The following TTN variants were observed in gnomAD, a reference collection of about 807,000 sequenced individuals.
The protein encoded by TTN is connectin.
A neutral mutation model predicts 3,223.0 loss-of-function variants in TTN; 1,525 were observed. That is an observed-to-expected ratio of 0.47 (90% CI 0.45 to 0.49). The LOEUF (loss-of-function observed/expected upper bound fraction) is 0.49, where lower values mean the gene tolerates loss of function less well. Among genes scored for constraint, TTN ranks in the 20% least tolerant of loss-of-function variants. The pLI, the probability that TTN is intolerant of heterozygous loss-of-function variation, is 0.00. For synonymous variants in TTN, 14,094 were observed against 15,161.0 expected, an observed-to-expected ratio of 0.93 and a Z score of 5.17; for missense variants, 40,786 against 43,424.0, an observed-to-expected ratio of 0.94 and a Z score of 5.40.
At chr2:178,585,600 A>T (rs189786910) in intron 308 of TTN, among the ~76,000 whole-genome samples, 1 of 152,106 alleles carries the variant, frequency 6.6e-6, no homozygotes, top group Non-Finnish European at 1.5e-5. Flanking sequence ...CTAGCCTCCC[A>T]ACCCCTGACA....
Position 178,701,100 on chromosome 2 carries a change from A to G in TTN, c.30682+20T>C. The G allele has an allele frequency of 6.2e-7, 1 of 1,608,532 alleles. No homozygotes were observed. The highest frequency in any genetic ancestry group is 8.5e-7 in the Non-Finnish European group (1 of 1,176,156). ...GAGTGAAATTCTTATTTCGACATCTAGGTAGATGAGGTATAATACCTTCAA... is the reference window on the plus strand; with the variant it reads ...GAGTGAAATTCTTATTTCGACATCTGGGTAGATGAGGTATAATACCTTCAA... On this transcript the variant is annotated intron_variant, in intron 111 of 362. Coordinates refer to ENST00000589042, the MANE Select transcript of TTN (RefSeq NM_001267550.2).
Position 178,560,156 on chromosome 2 carries a change from T to G in TTN, c.85976A>C (p.Lys28659Thr), listed in dbSNP as rs200724395. The part of the protein sequence containing the change: ...VFLPSPPSKP[K>T]IVDSGKTTIT... ...AGTTGTCTTGCCTGAGTCCACAATT[T>G]TGGGTTTGGATGGAGGAGATGGTAG... The change falls in exon 326 of 363, where the codon AAA becomes ACA. Residue 28659 changes from lysine (K) to threonine (T), a missense_variant. Transcript: ENST00000589042. The G allele has an allele frequency of 2.9e-5, 47 of 1,613,436 alleles. No homozygotes were observed. The highest frequency in any genetic ancestry group is 3.8e-5 in the Non-Finnish European group (45 of 1,179,680).
rs1700084788 is a variant in TTN at position 178,553,237 on chromosome 2, A to G, written c.89663T>C (p.Ile29888Thr). ...TAATGAGGATGAATCAGTGTTTTCA[A>G]TGCTGTATCTGGCATCACTGCCAAG... ...KNLGSDARYS[I>T]ENTDSSSLLT... Residue 29888 changes from isoleucine (I) to threonine (T), a missense_variant, in exon 335 of 363, where the codon ATT becomes ACT. By Grantham distance (89) the Ile-to-Thr change is moderately conservative. Coordinates refer to ENST00000589042, the MANE Select transcript of TTN (RefSeq NM_001267550.2). 7 of 1,613,406 alleles carry G rather than the reference A, an allele frequency of 4.3e-6. No individual in the cohort carries two copies. Among genetic ancestry groups the G allele is most frequent in the Non-Finnish European group, 4.2e-6 (5 of 1,179,838 alleles).
In TTN at chr2:178,546,463, T is replaced by C; in HGVS notation, c.94868A>G (p.Asp31623Gly). 6.2e-7 allele frequency: 1 copy of C among 1,613,560 alleles called. No homozygotes were observed. The highest frequency in any genetic ancestry group is 2.2e-5 in the East Asian group (1 of 44,818). ...AGAACCTGCTCTGATGGTAACCAGA[T>C]CACCGTGTAATCGGGCATCCAGTTC... ...KAELDARLHG[D>G]LVTIRAGSDL... The change falls in exon 342 of 363, where the codon GAT becomes GGT. Residue 31623 changes from aspartate (D) to glycine (G), a missense_variant. Asp to Gly is a moderately conservative substitution (Grantham distance 94). Coordinates refer to ENST00000589042, the MANE Select transcript of TTN (RefSeq NM_001267550.2).
At position 178,608,413 on chromosome 2, in the gene TTN, T is replaced by C. The variant is rs1339543629; in HGVS notation, c.52470A>G (p.Lys17490=). 1 of 1,609,968 alleles carries C rather than the reference T, an allele frequency of 6.2e-7. No individual in the cohort carries two copies. Among genetic ancestry groups the C allele is most frequent in the African/African-American group, 1.3e-5 (1 of 74,834 alleles). The change falls in exon 275 of 363, where the codon AAA becomes AAG. Residue 17490 remains lysine (K), a synonymous_variant. Coordinates refer to ENST00000589042, the MANE Select transcript of TTN (RefSeq NM_001267550.2). ...EDVTSNSMLV[K]WNEPKDNGSP... ...TTCCATTATCTTTTGGTTCATTCCA[T>C]TTCACTAGCATACTGTTGCTGGTAA...
In TTN at chr2:178,531,637, G is replaced by A. The variant is rs368945564; in HGVS notation, c.104978C>T (p.Thr34993Met). Residue 34993 changes from threonine to methionine, a missense_variant, in exon 358 of 363, where the codon ACG (threonine) becomes ATG (methionine). By Grantham distance (81) the Thr-to-Met change is moderately conservative. Coordinates refer to ENST00000589042, the MANE Select transcript of TTN (RefSeq NM_001267550.2). Reference sequence around the variant, plus strand: ...AATTTCCAGGGTGAGGACTCCACTCGTGTTGGTGTAATGAATCTTACTGCT... The same window carrying A: ...AATTTCCAGGGTGAGGACTCCACTCATGTTGGTGTAATGAATCTTACTGCT... Reference protein sequence around the residue: ...QESSKIHYTNTSGVLTLEILD... With the variant: ...QESSKIHYTNMSGVLTLEILD... 9.7e-5 allele frequency: 157 copies of A among 1,613,994 alleles called. No individual in the cohort carries two copies. Among genetic ancestry groups the A allele is most frequent in the South Asian group, 1.2e-4 (11 of 91,086 alleles).
chr2:178,688,051 T>A, intron 127 of TTN, 60 bp downstream of exon 127: 1 of 1,410,426 alleles, frequency 7.1e-7, no homozygotes, highest in Admixed American at 1.7e-5. Flanking sequence ...GTAGACAATT[T>A]GTGAAAGAAA....
rs781664961 is a variant in TTN at position 178,695,389 on chromosome 2, G to A, written c.31229C>T (p.Pro10410Leu). The A allele has an allele frequency of 9.3e-6, 15 of 1,612,008 alleles. No individual in the cohort carries two copies. The East Asian group carries it at 2.7e-4, about 29-fold the overall frequency. Residue 10410 changes from proline (P) to leucine (L), a missense_variant, in exon 115 of 363, where the codon CCA (proline) becomes CTA (leucine). Coordinates refer to ENST00000589042, the MANE Select transcript of TTN (RefSeq NM_001267550.2). ...VYEESHERKVPAKVPEKKAPP... is the reference protein window; with the variant it reads ...VYEESHERKVLAKVPEKKAPP... ...TGCTTTCTTTTCAGGTACTTTGGCTGGAACTTTTCTCTCATGTGATTCTGA... is the reference window on the plus strand; with the variant it reads ...TGCTTTCTTTTCAGGTACTTTGGCTAGAACTTTTCTCTCATGTGATTCTGA...
chr2:178,556,885 A>G lies in TTN; in HGVS notation c.88269T>C (p.Ser29423=). The change falls in exon 330 of 363, where the codon TCT becomes TCC. Residue 29423 remains serine, a synonymous_variant. Transcript: ENST00000589042. ...TGCAAGTAATGGGCCCTACAACCTC[A>G]GATGGATTGCTAATGGAACCAACAG... The part of the protein sequence containing the change: ...RNAVGSISNP[S]EVVGPITCID... 6.2e-7 allele frequency: 1 copy of G among 1,613,836 alleles called. No homozygotes were observed. The highest frequency in any genetic ancestry group is 8.5e-7 in the Non-Finnish European group (1 of 1,179,826).
Position 178,557,957 on chromosome 2 carries a change from C to T in TTN, c.87397G>A (p.Val29133Ile), listed in dbSNP as rs1396011615. 6.2e-7 allele frequency: 1 copy of T among 1,613,316 alleles called. No homozygotes were observed. Among genetic ancestry groups the T allele is most frequent in the South Asian group, 1.1e-5 (1 of 91,084 alleles). The change falls in exon 328 of 363, where the codon GTT (valine) becomes ATT (isoleucine). Residue 29133 changes from valine to isoleucine, a missense_variant. Val to Ile is a conservative substitution (Grantham distance 29). Transcript: ENST00000589042. ...GGAGGACCAGGCCTGTCTAGCACAA[C>T]AATGTTAATGAAAGCTTTGGTTGTA... ...SGTTKAFINI[V>I]VLDRPGPPTG... is the part of the protein sequence containing the mutation.
Position 178,573,062 on chromosome 2 carries a change from C to A in TTN, c.73070G>T (p.Gly24357Val). Residue 24357 changes from glycine (G) to valine (V), a missense_variant, in exon 326 of 363, where the codon GGG becomes GTG. Transcript: ENST00000589042. ...PIYDGGSEIT[G>V]YMVEIALPEE... is the part of the protein sequence containing the mutation. ...TGGCAGGGCAATCTCAACCATATAC[C>A]CAGTGATTTCTGAACCACCATCATA... The A allele has an allele frequency of 6.2e-7, 1 of 1,613,142 alleles. No individual in the cohort carries two copies.
In TTN at chr2:178,576,956, G is replaced by C. The variant is rs953796748; in HGVS notation, c.69379C>G (p.Gln23127Glu). The change falls in exon 324 of 363, where the codon CAG (glutamine) becomes GAG (glutamate). Residue 23127 changes from glutamine to glutamate, a missense_variant. Gln to Glu is a conservative substitution (Grantham distance 29). Transcript: ENST00000589042. The surrounding 1 kb of genome is among the most constrained non-coding windows in gnomAD (Gnocchi z 4.3). ...VNHYGKGEPVQSEPVKMVDRF... is the reference protein window; with the variant it reads ...VNHYGKGEPVESEPVKMVDRF... ...TCTACCATTTTGACAGGTTCAGACT[G>C]TACAGGTTCTCCTTTGCCATAGTGG... 2.5e-6 allele frequency: 4 copies of C among 1,613,282 alleles called. No homozygotes were observed. Among genetic ancestry groups the C allele is most frequent in the Non-Finnish European group, 2.5e-6 (3 of 1,179,542 alleles).
intron 275 of TTN, 27 bp downstream of exon 275, chr2:178,608,151 C>T (rs72632862): frequency 6.2e-7 from 1 of 1,600,356 alleles, no homozygotes; most frequent in Non-Finnish European, 8.5e-7. Context: ...TTGTTCTACT[C>T]CACCTTCTTC....
In TTN at chr2:178,647,059, T is replaced by C; in HGVS notation, c.40222+5A>G. ...AAAAATGTATATATATATATATATA[T>C]ATACCTTCAACAGGGGGAGTCTCTT... On this transcript the variant is annotated splice_donor_5th_base_variant and intron_variant, in intron 215 of 362. Transcript: ENST00000589042. 3 of 1,102,740 alleles carry C rather than the reference T, an allele frequency of 2.7e-6. No homozygotes were observed. Among genetic ancestry groups the C allele is most frequent in the Admixed American group, 3.5e-5 (1 of 28,462 alleles). 68.3% of individuals were successfully genotyped at this position (1,102,740 alleles called of 1,614,324 possible). A position where few individuals can be genotyped will look rare whatever the true frequency, so the allele number is the denominator to read the frequency against.
Position 178,589,299 on chromosome 2 carries a change from G to A in TTN, c.62426C>T (p.Ala20809Val). The A allele has an allele frequency of 6.2e-7, 1 of 1,613,306 alleles. No homozygotes were observed. Among genetic ancestry groups the A allele is most frequent in the Non-Finnish European group, 8.5e-7 (1 of 1,179,506 alleles). Residue 20809 changes from alanine (A) to valine (V), a missense_variant, in exon 304 of 363, where the codon GCT (alanine) becomes GTT (valine). By Grantham distance (64) the Ala-to-Val change is moderately conservative. Coordinates refer to ENST00000589042, the MANE Select transcript of TTN (RefSeq NM_001267550.2). ...CCTTGGTGATCTTGTTAAGTCTGTA[G>A]CGTCTTTGTCCTTGGTCCATGCAAC... ...PEVAWTKDKDATDLTRSPRVK... is the reference protein window; with the variant it reads ...PEVAWTKDKDVTDLTRSPRVK...
Position 178,611,076 on chromosome 2 carries a change from A to G in TTN, c.51053T>C (p.Val17018Ala). The G allele has an allele frequency of 6.2e-7, 1 of 1,612,838 alleles. No individual in the cohort carries two copies. Among genetic ancestry groups the G allele is most frequent in the Admixed American group, 1.7e-5 (1 of 59,954 alleles). Residue 17018 changes from valine to alanine, a missense_variant, in exon 270 of 363, where the codon GTC becomes GCC. Physicochemically the swap from Val to Ala is moderately conservative, Grantham distance 64 (BLOSUM62 0). Transcript: ENST00000589042. The part of the protein sequence containing the change: ...ISAHLEVPKS[V>A]RADAGIYTIT... ...GGTATAAATTCCGGCATCTGCACGG[A>G]CACTCTTGGGAACTTCAAGGTGTGC... is the stretch of plus-strand genomic sequence containing the variant.
intron 112 of TTN, 131 bp downstream of exon 112, chr2:178,698,712 A>C (rs2074176675): frequency 4.9e-6 from 4 of 824,528 alleles, no homozygotes; most frequent in Non-Finnish European, 7.5e-6. Flanking sequence ...ACGAGGGCGA[A>C]AGTGAGTGAA....
rs529157972 is a variant in TTN at position 178,557,209 on chromosome 2, G to A, written c.88009+44C>T. On this transcript the variant is annotated intron_variant, in intron 329 of 362. Coordinates refer to ENST00000589042, the MANE Select transcript of TTN (RefSeq NM_001267550.2). Reference sequence around the variant, plus strand: ...ATTTTGCTTCGCAGAAGTAAGATTTGCATTTTTGTTATCAGAACTGCCCTT... The same window carrying A: ...ATTTTGCTTCGCAGAAGTAAGATTTACATTTTTGTTATCAGAACTGCCCTT... The A allele has an allele frequency of 4.3e-6, 7 of 1,612,896 alleles. No individual in the cohort carries two copies. In the East Asian group the frequency reaches 1.6e-4, roughly 36 times the overall value.
In TTN at chr2:178,538,644, C is replaced by G; in HGVS notation, c.99185G>C (p.Gly33062Ala). The G allele has an allele frequency of 5.0e-6, 8 of 1,613,770 alleles. No homozygotes were observed. Among genetic ancestry groups the G allele is most frequent in the Non-Finnish European group, 6.8e-6 (8 of 1,179,742 alleles). The change falls in exon 354 of 363, where the codon GGT becomes GCT. Residue 33062 changes from glycine to alanine, a missense_variant. Gly to Ala is a moderately conservative substitution (Grantham distance 60). Transcript: ENST00000589042. ...TTCATACTCAGTAGCTTCCAGCAAACCTCCTATTGTGAATTGCTTGTCCTT... is the reference window on the plus strand; with the variant it reads ...TTCATACTCAGTAGCTTCCAGCAAAGCTCCTATTGTGAATTGCTTGTCCTT... The part of the protein sequence containing the change: ...RIKDKQFTIG[G>A]LLEATEYEFR...
Sources: allele counts gnomAD v4.1 joint callset (sites outside exome capture counted in the v4.1 genomes callset), GRCh38; gene constraint gnomAD v4.1.1; non-coding constraint Gnocchi (gnomAD v3.1); transcripts MANE v1.5; gene names NCBI Gene and HGNC (gene_info 2026-07-23, HGNC 2026-07-21).